Variants in STPG2 observed in about 807,000 individuals in gnomAD.
The protein encoded by STPG2 is sperm-tail PG-rich repeat-containing protein 2.
STPG2 carries 56 observed loss-of-function variants against 54.2 expected under a neutral mutation model. That is an observed-to-expected ratio of 1.03 (90% CI 0.83 to 1.29). The LOEUF (loss-of-function observed/expected upper bound fraction) is 1.29. Ranked by LOEUF, STPG2 falls within the 50% of genes most tolerant of loss-of-function variation. The probability of loss-of-function intolerance (pLI) is 0.00; values close to 1 mark genes in which losing one functional copy is unlikely to be tolerated. For synonymous variants in STPG2, 200 were observed against 181.8 expected, an observed-to-expected ratio of 1.10 and a Z score of -0.81; for missense variants, 596 against 544.9, an observed-to-expected ratio of 1.09 and a Z score of -0.93.
chr4:97,798,215 C>T (rs975526992), intron 9 of STPG2, among the ~76,000 whole-genome samples: 1 of 151,938 alleles, frequency 6.6e-6, no homozygotes, highest in Admixed American at 6.6e-5. Context: ...TATTTCTTGC[C>T]TTCTGCTAGC....
At chr4:97,726,122 C>G (rs1258140329) in intron 9 of STPG2, among the ~76,000 whole-genome samples, 1 of 151,824 alleles carries the variant, frequency 6.6e-6, no homozygotes, top group Non-Finnish European at 1.5e-5. Flanking sequence ...CAAACAAAAA[C>G]AGATCAATGG....
chr4:97,621,948 C>G lies in STPG2; in HGVS notation c.1321-62831G>C, dbSNP rs149478863. On this transcript the variant is annotated intron_variant, in intron 10 of 10. Coordinates refer to ENST00000295268, the MANE Select transcript of STPG2 (RefSeq NM_174952.3). ...TCCACCATATCAAGTAGGCTTTATC[C>G]TTGGGATGCAAATTTGGTTCAGCAC... is the stretch of plus-strand genomic sequence containing the variant. Among the ~76,000 whole-genome samples, 629 of 152,270 alleles carry G rather than the reference C, an allele frequency of 4.1e-3. 3 individuals are homozygous for G. Among genetic ancestry groups the G allele is most frequent in the South Asian group, 0.02 (98 of 4,830 alleles).
At chr4:97,533,573 T>C (rs1731463159) in intron 4 of STPG2, among the ~76,000 whole-genome samples, 1 of 152,174 alleles carries the variant, frequency 6.6e-6, no homozygotes, top group African/African-American at 2.4e-5. Flanking sequence ...TCCTTTGCAG[T>C]CTGTTCGTCT....
At chr4:97,871,501 G>T (rs1034622705) in intron 8 of STPG2, among the ~76,000 whole-genome samples, 2 of 150,890 alleles carry the variant, frequency 1.3e-5, no homozygotes, top group Non-Finnish European at 3.0e-5. Context: ...AATGAAAAAA[G>T]TCATACTAGT....
chr4:97,601,320 T>C (rs1265897480), intron 10 of STPG2, among the ~76,000 whole-genome samples: 24 of 152,062 alleles, frequency 1.6e-4, no homozygotes, highest in Admixed American at 1.6e-3. Context: ...ATATTAGATA[T>C]TTAGTATCCC....
chr4:97,548,065 G>A (rs536169304), intron 4 of STPG2, among the ~76,000 whole-genome samples: 2 of 152,214 alleles, frequency 1.3e-5, no homozygotes, highest in South Asian at 2.1e-4. Flanking sequence ...CAGGAGAGTC[G>A]CTTGAACCCT....
chr4:97,894,908 A>T (rs556247351), intron 8 of STPG2, among the ~76,000 whole-genome samples: 1 of 151,936 alleles, frequency 6.6e-6, no homozygotes, highest in South Asian at 2.1e-4. Flanking sequence ...GCAAAGAAAA[A>T]TATTTAAAAA....
intron 10 of STPG2, among the ~76,000 whole-genome samples, chr4:97,591,100 A>G (rs1253799480): frequency 6.6e-6 from 1 of 152,166 alleles, no homozygotes; most frequent in Non-Finnish European, 1.5e-5. Context: ...ACCAACAGTA[A>G]AAATAGTTAA....
At chr4:97,645,989 T>G (rs1032209793) in intron 10 of STPG2, among the ~76,000 whole-genome samples, 6 of 152,102 alleles carry the variant, frequency 3.9e-5, no homozygotes, top group Non-Finnish European at 7.4e-5. Flanking sequence ...CAGAGATCAC[T>G]CTCACTCAGT....
At chr4:97,626,989 C>A (rs978029904) in intron 10 of STPG2, among the ~76,000 whole-genome samples, 1 of 151,908 alleles carries the variant, frequency 6.6e-6, no homozygotes, top group Non-Finnish European at 1.5e-5. Flanking sequence ...CAGTTGTTGA[C>A]TTATTCTTTC....
At chr4:97,467,551 T>A (rs1342082085) in intron 4 of STPG2, among the ~76,000 whole-genome samples, 1 of 151,946 alleles carries the variant, frequency 6.6e-6, no homozygotes, top group Non-Finnish European at 1.5e-5. Context: ...TCATGTTATA[T>A]GAACCACAAG....
intron 10 of STPG2, among the ~76,000 whole-genome samples, chr4:97,593,567 C>A (rs1288494228): frequency 1.3e-5 from 2 of 152,176 alleles, no homozygotes; most frequent in Non-Finnish European, 2.9e-5. Context: ...CAGCCCAACG[C>A]CTGTCAGCAC....
intron 8 of STPG2, among the ~76,000 whole-genome samples, chr4:97,894,255 T>C (rs1730876199): frequency 1.3e-5 from 2 of 151,970 alleles, no homozygotes; most frequent in Admixed American, 1.3e-4. Flanking sequence ...ACTTTAATAT[T>C]TATTTATACA....
intron 8 of STPG2, among the ~76,000 whole-genome samples, chr4:97,889,228 A>G (rs1730682266): frequency 6.6e-6 from 1 of 152,242 alleles, no homozygotes; most frequent in South Asian, 2.1e-4. Context: ...GTTGGTGGGG[A>G]TGTAAATTAG....
At chr4:97,913,385 T>G (rs866104694) in intron 8 of STPG2, among the ~76,000 whole-genome samples, 1 of 152,184 alleles carries the variant, frequency 6.6e-6, no homozygotes, top group African/African-American at 2.4e-5. Flanking sequence ...TGATTGGTTT[T>G]GGATGCATTA....
At chr4:97,732,495 A>G (rs1208057940) in intron 9 of STPG2, among the ~76,000 whole-genome samples, 1 of 152,158 alleles carries the variant, frequency 6.6e-6, no homozygotes, top group Non-Finnish European at 1.5e-5. Context: ...TCAGTTGGCT[A>G]TATATATTTG....
At chr4:97,483,675 C>G (rs1461802275) in intron 4 of STPG2, among the ~76,000 whole-genome samples, 1 of 151,560 alleles carries the variant, frequency 6.6e-6, no homozygotes. Flanking sequence ...TGAAGACATA[C>G]AGTCAACAAA....
chr4:97,696,541 A>G (rs533725094), intron 10 of STPG2, among the ~76,000 whole-genome samples: 1 of 152,354 alleles, frequency 6.6e-6, no homozygotes, highest in East Asian at 1.9e-4. Flanking sequence ...AATTAAACTA[A>G]AAAGTTTCTA....
intron 9 of STPG2, among the ~76,000 whole-genome samples, chr4:97,726,204 A>T (rs1318460479): frequency 1.3e-5 from 2 of 151,930 alleles, no homozygotes; most frequent in Non-Finnish European, 2.9e-5. Flanking sequence ...AAAAAAGTAG[A>T]CAATTTGTAT....
Sources: allele counts gnomAD v4.1 joint callset (sites outside exome capture counted in the v4.1 genomes callset), GRCh38; gene constraint gnomAD v4.1.1; transcripts MANE v1.5; gene names NCBI Gene and HGNC (gene_info 2026-07-23, HGNC 2026-07-21).